Variants in MAP3K13 observed in about 807,000 individuals in gnomAD.
The protein encoded by MAP3K13 is mitogen-activated protein kinase kinase kinase 13.
Under a neutral mutation model 104.0 loss-of-function variants are expected in MAP3K13, and 52 were observed. The observed-to-expected ratio is 0.50, with a 90% CI of 0.40 to 0.63. The LOEUF is 0.63. MAP3K13 is among the 20% of genes least tolerant of loss of function. MAP3K13 has a pLI of 0.00. For synonymous variants in MAP3K13, 394 were observed against 442.2 expected, an observed-to-expected ratio of 0.89 and a Z score of 1.37; for missense variants, 914 against 1,218.5, an observed-to-expected ratio of 0.75 and a Z score of 3.72.
intron 1 of MAP3K13, among the ~76,000 whole-genome samples, chr3:185,413,341 T>C (rs543793134): frequency 4.6e-5 from 7 of 152,304 alleles, no homozygotes; most frequent in Admixed American, 1.3e-4. Context: ...CCTGTAATGA[T>C]GGAAATGTTC....
intron 1 of MAP3K13, among the ~76,000 whole-genome samples, chr3:185,397,038 T>TG (rs943448157): frequency 1.3e-5 from 1 of 74,670 alleles, no homozygotes; most frequent in Non-Finnish European, 3.6e-5. Context: ...CATTCTTGTT[T>TG]GTTTTTTTTT....
chr3:185,435,219 C>G lies in MAP3K13; in HGVS notation c.476-2228C>G, dbSNP rs943019108. On this transcript the variant is annotated intron_variant, in intron 2 of 13. Coordinates refer to ENST00000265026, the MANE Select transcript of MAP3K13 (RefSeq NM_004721.5). ...TAGAGACGGGGTTTCACCATATTGGCCAGGCTGGTCTCGAACTCCTGACCT... is the reference window on the plus strand; with the variant it reads ...TAGAGACGGGGTTTCACCATATTGGGCAGGCTGGTCTCGAACTCCTGACCT... Among the ~76,000 whole-genome samples the G allele has an allele frequency of 2.7e-5, 4 of 150,650 alleles. No individual in the cohort carries two copies. The East Asian group carries it at 5.8e-4, about 22-fold the overall frequency.
intron 1 of MAP3K13, among the ~76,000 whole-genome samples, chr3:185,380,239 G>A (rs1206856960): frequency 6.7e-6 from 1 of 149,236 alleles, no homozygotes; most frequent in African/African-American, 2.5e-5. Flanking sequence ...CAGGCCGGGC[G>A]TGGTGGCTCA....
chr3:185,357,925 T>C (rs1159545328), intron 2 of MAP3K13, among the ~76,000 whole-genome samples: 1 of 152,234 alleles, frequency 6.6e-6, no homozygotes, highest in Non-Finnish European at 1.5e-5. Context: ...TAACTCACAA[T>C]ATTCTTTAAA....
intron 2 of MAP3K13, among the ~76,000 whole-genome samples, chr3:185,332,833 A>G (rs1270780956): frequency 5.9e-5 from 9 of 152,340 alleles, no homozygotes; most frequent in Admixed American, 5.2e-4. Context: ...GCTATTGCGA[A>G]TAAGGCCTCT....
At chr3:185,414,303 G>A (rs1242703655) in intron 1 of MAP3K13, among the ~76,000 whole-genome samples, 2 of 152,310 alleles carry the variant, frequency 1.3e-5, no homozygotes, top group East Asian at 1.9e-4. Flanking sequence ...ATGTGTGAGT[G>A]TAAAGTCTTC....
intron 1 of MAP3K13, among the ~76,000 whole-genome samples, chr3:185,413,446 T>C (rs527498911): frequency 1.3e-5 from 2 of 152,356 alleles, no homozygotes; most frequent in East Asian, 3.9e-4. Flanking sequence ...CTTTATTTTA[T>C]TTAATTTTAA....
intron 10 of MAP3K13, among the ~76,000 whole-genome samples, chr3:185,468,133 C>A (rs964219927): frequency 1.3e-5 from 2 of 152,092 alleles, no homozygotes; most frequent in Non-Finnish European, 2.9e-5. Context: ...CCAGGCCCCA[C>A]CTCCAACAGT....
chr3:185,329,289 G>A (rs1722160427), intron 2 of MAP3K13: 3 of 702,198 alleles, frequency 4.3e-6, no homozygotes, highest in Non-Finnish European at 7.8e-6. Context: ...TTTCTAAGCA[G>A]TGCTTAGATT....
rs1482093241 is a variant in MAP3K13, at chr3:185,435,869, G to T, written c.476-1578G>T. 2.0e-5 allele frequency among the ~76,000 whole-genome samples: 3 copies of T among 152,166 alleles called. No individual in the cohort carries two copies. The East Asian group carries it at 5.8e-4, about 29-fold the overall frequency. On this transcript the variant is annotated intron_variant, in intron 2 of 13. Transcript: ENST00000265026. ...AATTGTTTCATCAATGCAGTGGATGGTGAGTTGATTTGCTTTCAAGACCAG... is the reference window on the plus strand; with the variant it reads ...AATTGTTTCATCAATGCAGTGGATGTTGAGTTGATTTGCTTTCAAGACCAG...
intron 2 of MAP3K13, among the ~76,000 whole-genome samples, chr3:185,323,802 A>T (rs1184949391): frequency 6.6e-6 from 1 of 152,162 alleles, no homozygotes; most frequent in African/African-American, 2.4e-5. Context: ...GTATGTGTTC[A>T]TAATTTGATT....
intron 2 of MAP3K13, among the ~76,000 whole-genome samples, chr3:185,348,752 A>G (rs1723027499): frequency 6.6e-6 from 1 of 152,124 alleles, no homozygotes; most frequent in Admixed American, 6.5e-5. Context: ...CCCTGTCTTT[A>G]CTAAAAATAC....
rs1396927285 is a variant in MAP3K13, at chr3:185,453,798, G to T, written c.1278+2403G>T. On this transcript the variant is annotated intron_variant, in intron 7 of 13. Coordinates refer to ENST00000265026, the MANE Select transcript of MAP3K13 (RefSeq NM_004721.5). The stretch of plus-strand genomic sequence containing the variant: ...AAAAAAAAATTATATATATATATGA[G>T]ATATATATATATGATACATATATAT... Among the ~76,000 whole-genome samples, 94 of 53,362 alleles carry T rather than the reference G, an allele frequency of 1.8e-3. 2 individuals carry two copies. The highest frequency in any genetic ancestry group is 4.3e-3 in the African/African-American group (83 of 19,300). 35.0% of individuals were successfully genotyped at this position (53,362 alleles called of 152,430 possible).
chr3:185,295,185 TTTG>T (rs1253751049), intron 2 of MAP3K13, among the ~76,000 whole-genome samples: 22 of 152,092 alleles, frequency 1.4e-4, no homozygotes, highest in Middle Eastern at 3.4e-3. Flanking sequence ...CTTCAGGGTA[TTTG>T]TTGTTGTTTT....
chr3:185,288,094 T>A (rs559789464), intron 2 of MAP3K13, among the ~76,000 whole-genome samples: 2 of 152,182 alleles, frequency 1.3e-5, no homozygotes, highest in South Asian at 2.1e-4. Flanking sequence ...GATTAATCAC[T>A]ATCATCATGA....
At chr3:185,452,903 G>C (rs763854812) in intron 7 of MAP3K13, among the ~76,000 whole-genome samples, 1 of 152,108 alleles carries the variant, frequency 6.6e-6, no homozygotes, top group Non-Finnish European at 1.5e-5. Context: ...ATGTTCCATC[G>C]GCCAAGCAAG....
chr3:185,386,298 C>CA (rs1460379468), intron 1 of MAP3K13, among the ~76,000 whole-genome samples: 1 of 152,106 alleles, frequency 6.6e-6, no homozygotes, highest in African/African-American at 2.4e-5. Flanking sequence ...ATGTGGCCAA[C>CA]AAACATATCA....
chr3:185,431,019 A>G (rs1045731056), intron 2 of MAP3K13, among the ~76,000 whole-genome samples: 2 of 152,196 alleles, frequency 1.3e-5, no homozygotes, highest in Non-Finnish European at 2.9e-5. Context: ...AGGTCTTACC[A>G]TGGCAGAGCA....
chr3:185,464,950 T>C (rs879426373), intron 8 of MAP3K13, among the ~76,000 whole-genome samples: 3 of 152,174 alleles, frequency 2.0e-5, no homozygotes, highest in Admixed American at 2.0e-4. Flanking sequence ...AGGGCAGAGC[T>C]CTCATGACCT....
Sources: gnomAD v4.1 joint callset for allele counts (sites outside exome capture counted in the v4.1 genomes callset) on GRCh38, gnomAD v4.1.1 for gene constraint, MANE v1.5 for transcripts, NCBI Gene and HGNC (gene_info 2026-07-23, HGNC 2026-07-21) for gene names.